Variants in AHCTF1 observed in about 807,000 individuals in gnomAD.
The protein encoded by AHCTF1 is AT-hook containing transcription factor 1, also known as protein ELYS.
Under a neutral mutation model 248.4 loss-of-function variants are expected in AHCTF1, and 24 were observed. The observed-to-expected ratio is 0.10, with a 90% CI of 0.07 to 0.14. The LOEUF (loss-of-function observed/expected upper bound fraction) is 0.14. Among genes scored for constraint, AHCTF1 ranks in the 10% least tolerant of loss-of-function variants. The probability of loss-of-function intolerance (pLI) is 1.00; values close to 1 mark genes in which losing one functional copy is unlikely to be tolerated. For synonymous variants in AHCTF1, 786 were observed against 929.8 expected (o/e 0.85, Z 2.81); for missense variants, 2,206 against 2,636.2 (o/e 0.84, Z 3.57).
Position 246,888,458 on chromosome 1 carries a change from C to T in AHCTF1, c.2204G>A (p.Arg735Gln), listed in dbSNP as rs778328927. Residue 735 changes from arginine to glutamine, a missense_variant, in exon 18 of 36, where the codon CGA becomes CAA. This residue lies in a region of AHCTF1 where 650 missense variants were observed against 870.8 expected (regional missense o/e 0.75). Coordinates refer to ENST00000648844, the MANE Select transcript of AHCTF1 (RefSeq NM_001323342.2). ...ATCTCGTTTCCACAACTTCTCAATTCGCTCTCCTAACTGAGAAACCAGTCC... is the reference window on the plus strand; with the variant it reads ...ATCTCGTTTCCACAACTTCTCAATTTGCTCTCCTAACTGAGAAACCAGTCC... Reference protein sequence around the residue: ...IDGLVSQLGERIEKLWKRDEG... With the variant: ...IDGLVSQLGEQIEKLWKRDEG... 28 of 1,613,360 alleles carry T rather than the reference C, an allele frequency of 1.7e-5. No individual in the cohort carries two copies. The highest frequency in any genetic ancestry group is 6.7e-5 in the African/African-American group (5 of 74,890).
At chr1:246,858,799 CAA>C (rs112857397) in intron 29 of AHCTF1, among the ~76,000 whole-genome samples, 10 of 130,126 alleles carry the variant, frequency 7.7e-5, no homozygotes, top group Non-Finnish European at 9.9e-5. Context: ...AACTCTGTCT[CAA>C]AAAAAAAAAA....
chr1:246,869,563 A>C (rs1359267640), intron 24 of AHCTF1, among the ~76,000 whole-genome samples: 1 of 152,208 alleles, frequency 6.6e-6, no homozygotes, highest in East Asian at 1.9e-4. Context: ...AATTAAAGGC[A>C]ATCACCATTC....
intron 27 of AHCTF1, 76 bp downstream of exon 27, chr1:246,863,848 C>T: frequency 6.9e-7 from 1 of 1,456,570 alleles, no homozygotes; most frequent in Non-Finnish European, 9.5e-7. Flanking sequence ...TTATAAATTG[C>T]TTATTTTTCT....
chr1:246,876,801 C>T, intron 23 of AHCTF1, 149 bp downstream of exon 23: 1 of 964,766 alleles, frequency 1.0e-6, no homozygotes, highest in Non-Finnish European at 1.5e-6. Flanking sequence ...GTTCCCAATT[C>T]TGTTACAGAG....
At chr1:246,883,340 G>T (rs1003229058) in intron 21 of AHCTF1, among the ~76,000 whole-genome samples, 10 of 152,190 alleles carry the variant, frequency 6.6e-5, no homozygotes, top group Admixed American at 2.0e-4. Context: ...AACACTGCTG[G>T]ACTAGAGATG....
In AHCTF1 at chr1:246,862,119, G is replaced by C. The variant is rs994585721; in HGVS notation, c.3575C>G (p.Ser1192Cys). 21 of 1,607,106 alleles carry C rather than the reference G, an allele frequency of 1.3e-5. No homozygotes were observed. The highest frequency in any genetic ancestry group is 1.6e-5 in the Non-Finnish European group (19 of 1,178,042). Residue 1192 changes from serine to cysteine, a missense_variant, in exon 28 of 36, where the codon TCT becomes TGT. By Grantham distance (112) the Ser-to-Cys change is moderately radical (BLOSUM62 -1). This residue lies in a region of AHCTF1 where 955 missense variants were observed against 1,055.6 expected (regional missense o/e 0.90). Transcript: ENST00000648844. The part of the protein sequence containing the change: ...AKSLAMSVTT[S>C]GFSEFTPQSI... ...CTGAGGAGTGAACTCAGAAAATCCA[G>C]AAGTAGTAACTGACATGGCCAAACT...
chr1:246,911,665 G>C (rs946812646), intron 4 of AHCTF1, among the ~76,000 whole-genome samples: 1 of 151,810 alleles, frequency 6.6e-6, no homozygotes, highest in Non-Finnish European at 1.5e-5. Flanking sequence ...ATATTTTTTA[G>C]TAGAGACGGG....
chr1:246,914,379 T>C (rs1184734042), intron 3 of AHCTF1, among the ~76,000 whole-genome samples: 1 of 152,194 alleles, frequency 6.6e-6, no homozygotes. Context: ...ATATCAATGA[T>C]TCATGTGTTA....
At chr1:246,849,372 A>G (rs1048136658) in intron 33 of AHCTF1, among the ~76,000 whole-genome samples, 30 of 152,254 alleles carry the variant, frequency 2.0e-4, no homozygotes, top group African/African-American at 6.5e-4. Flanking sequence ...AAGAGAAATT[A>G]CACTATTCTA....
chr1:246,895,029 A>T (rs1412048089), intron 13 of AHCTF1, among the ~76,000 whole-genome samples: 2 of 130,678 alleles, frequency 1.5e-5, no homozygotes, highest in Admixed American at 7.3e-5. Flanking sequence ...TAATTCCTTT[A>T]AAAAAAAAAA....
intron 21 of AHCTF1, 123 bp downstream of exon 21, chr1:246,885,370 C>A: frequency 2.7e-6 from 2 of 753,630 alleles, no homozygotes; most frequent in Non-Finnish European, 2.1e-6. Flanking sequence ...GCAGAACCCA[C>A]TAATACAAAG....
rs534544869 is a variant in AHCTF1 at position 246,885,746 on chromosome 1, C to T, written c.2473-66G>A. On this transcript the variant is annotated intron_variant, in intron 20 of 35. Coordinates refer to ENST00000648844, the MANE Select transcript of AHCTF1 (RefSeq NM_001323342.2). ...TATACATTTAGACAAAGTAGGTAAA[C>T]CTAACACTAAAAACCACAAAAATCC... The T allele has an allele frequency of 2.1e-4, 303 of 1,425,070 alleles. No homozygotes were observed. The African/African-American group carries it at 3.7e-3, about 17-fold the overall frequency. 88.3% of individuals were successfully genotyped at this position (1,425,070 alleles called of 1,614,324 possible). A position where few individuals can be genotyped will look rare whatever the true frequency, so the allele number is the denominator to read the frequency against.
At position 246,889,948 on chromosome 1, in the gene AHCTF1, A is replaced by G; in HGVS notation, c.2144+18T>C. 1.3e-6 allele frequency: 2 copies of G among 1,585,786 alleles called. No individual in the cohort carries two copies. The highest frequency in any genetic ancestry group is 1.7e-6 in the Non-Finnish European group (2 of 1,161,768). Reference sequence around the variant, plus strand: ...TTGACTTCTTACAGATGTAATTTCTAAAATTGTTTTACTATACCTTGATAA... The same window carrying G: ...TTGACTTCTTACAGATGTAATTTCTGAAATTGTTTTACTATACCTTGATAA... On this transcript the variant is annotated intron_variant, in intron 17 of 35. Coordinates refer to ENST00000648844, the MANE Select transcript of AHCTF1 (RefSeq NM_001323342.2).
intron 30 of AHCTF1, among the ~76,000 whole-genome samples, chr1:246,856,285 T>C (rs1045628255): frequency 6.6e-6 from 1 of 152,208 alleles, no homozygotes; most frequent in East Asian, 1.9e-4. Context: ...TTAATCCACA[T>C]GAAAATAAAT....
intron 16 of AHCTF1, 124 bp from the exon 17 acceptor site, chr1:246,890,183 A>C: frequency 5.1e-6 from 3 of 587,744 alleles, no homozygotes; most frequent in East Asian, 6.1e-5. Context: ...GGGTGGGTAT[A>C]TTTAGGTAAT....
chr1:246,882,183 G>A (rs1440215226), intron 21 of AHCTF1, among the ~76,000 whole-genome samples: 2 of 151,098 alleles, frequency 1.3e-5, no homozygotes, highest in Non-Finnish European at 2.9e-5. Flanking sequence ...ATTTTTAGTA[G>A]AGATGGGGTT....
At chr1:246,897,518 G>A (rs1251954762) in intron 12 of AHCTF1, among the ~76,000 whole-genome samples, 1 of 152,186 alleles carries the variant, frequency 6.6e-6, no homozygotes, top group Non-Finnish European at 1.5e-5. Context: ...ATCATGGTAA[G>A]AGCGTACTTA....
At chr1:246,898,621 AACACACACACACACACACACACACACAC>A (rs74163703) in intron 11 of AHCTF1, among the ~76,000 whole-genome samples, 1 of 146,984 alleles carries the variant, frequency 6.8e-6, no homozygotes, top group Non-Finnish European at 1.5e-5. Flanking sequence ...ATCTTGACAA[AACACACACACACACACACACACACACAC>A]ACACACACAC....
chr1:246,918,516 C>T, intron 1 of AHCTF1, 139 bp from the exon 2 acceptor site: 1 of 866,958 alleles, frequency 1.2e-6, no homozygotes, highest in Non-Finnish European at 1.6e-6. Context: ...TACATATTGG[C>T]CAGATGCGGA....
Sources: gnomAD v4.1 joint callset for allele counts (sites outside exome capture counted in the v4.1 genomes callset) on GRCh38, gnomAD v4.1.1 for gene constraint, gnomAD v4.1.1 regional missense constraint, MANE v1.5 for transcripts, NCBI Gene and HGNC (gene_info 2026-07-23, HGNC 2026-07-21) for gene names.